The following NTRK3 variants were observed in gnomAD, a reference collection of about 807,000 sequenced individuals.
The protein encoded by NTRK3 is neurotrophic receptor tyrosine kinase 3.
Under a neutral mutation model 91.7 loss-of-function variants are expected in NTRK3, and 24 were observed. That is an observed-to-expected ratio of 0.26 (90% confidence interval 0.19 to 0.37). The LOEUF (loss-of-function observed/expected upper bound fraction) is 0.37, where lower values mean the gene tolerates loss of function less well. Ranked by LOEUF, NTRK3 falls within the 10% of genes least tolerant of loss-of-function variation. The pLI is 1.00. For missense variants in NTRK3, 880 were observed against 1,068.9 expected (o/e 0.82, Z 2.46); for synonymous variants, 483 against 404.0 (o/e 1.20, Z -2.34).
chr15:88,040,759 G>A (rs1202393782), intron 13 of NTRK3, among the ~76,000 whole-genome samples: 1 of 152,002 alleles, frequency 6.6e-6, no homozygotes, highest in Non-Finnish European at 1.5e-5. Flanking sequence ...AAGGATGCTG[G>A]GATCCCTGTG....
chr15:87,995,531 T>C (rs904691520), intron 14 of NTRK3, among the ~76,000 whole-genome samples: 1 of 151,306 alleles, frequency 6.6e-6, no homozygotes, highest in Non-Finnish European at 1.5e-5. Flanking sequence ...GTGCAAGGAG[T>C]TCCTATTAAT....
At chr15:88,239,148 G>A (rs1216000251) in intron 3 of NTRK3, among the ~76,000 whole-genome samples, 6 of 151,796 alleles carry the variant, frequency 4.0e-5, no homozygotes, top group Non-Finnish European at 8.8e-5. Context: ...TCTCAAAGGT[G>A]GGACTGGAGT....
At chr15:87,913,064 A>AC (rs2141760654) in intron 17 of NTRK3, among the ~76,000 whole-genome samples, 1 of 149,580 alleles carries the variant, frequency 6.7e-6, no homozygotes, top group Non-Finnish European at 1.5e-5. Context: ...ACTACTAAAC[A>AC]CCTTGGCAGT....
rs1302814649 is a variant in NTRK3 at position 87,935,468 on chromosome 15, C to T, written c.1717-2284G>A. ...GAAGTCAGAGAGTCATGGTGAAAGA[C>T]AGTCTCTTCTGGGGACCCAGCTCCC... On this transcript the variant is annotated intron_variant, in intron 15 of 18. Coordinates refer to ENST00000394480, the Ensembl canonical transcript of NTRK3. Among the ~76,000 whole-genome samples the T allele has an allele frequency of 3.9e-5, 6 of 152,324 alleles. No homozygotes were observed. The East Asian group carries it at 1.2e-3, about 29-fold the overall frequency.
chr15:88,218,269 T>C (rs1224979615), intron 3 of NTRK3, among the ~76,000 whole-genome samples: 1 of 152,150 alleles, frequency 6.6e-6, no homozygotes, highest in African/African-American at 2.4e-5. Flanking sequence ...GCAGCCTCCA[T>C]AGAAAACCTC....
chr15:88,020,135 A>G (rs756619439), intron 14 of NTRK3, among the ~76,000 whole-genome samples: 12 of 152,248 alleles, frequency 7.9e-5, no homozygotes, highest in Non-Finnish European at 1.8e-4. Flanking sequence ...GGGCAGGCAT[A>G]CAGGGGAGAA....
chr15:88,131,414 C>T (rs898545730), intron 10 of NTRK3, among the ~76,000 whole-genome samples: 5 of 152,130 alleles, frequency 3.3e-5, no homozygotes, highest in African/African-American at 1.2e-4. Flanking sequence ...ACACGCAGTT[C>T]GGTTGCTTGT....
chr15:88,023,475 A>T (rs561380035), intron 14 of NTRK3, among the ~76,000 whole-genome samples: 15 of 152,306 alleles, frequency 9.8e-5, no homozygotes, highest in African/African-American at 3.6e-4. Context: ...ACTGCCTACC[A>T]AGCAGGGCCT....
intron 17 of NTRK3, among the ~76,000 whole-genome samples, chr15:87,924,638 C>T (rs1015562337): frequency 3.9e-5 from 6 of 152,210 alleles, no homozygotes; most frequent in Admixed American, 2.0e-4. Flanking sequence ...CTTGCTCCTG[C>T]TGCCTGCAGC....
At chr15:88,131,562 AATGG>A (rs1597484895) in intron 10 of NTRK3, among the ~76,000 whole-genome samples, 1 of 152,320 alleles carries the variant, frequency 6.6e-6, no homozygotes, top group East Asian at 1.9e-4. Context: ...GGATGGAGGA[AATGG>A]AAGCTCTAGC....
At chr15:87,971,855 G>A (rs926516669) in intron 14 of NTRK3, among the ~76,000 whole-genome samples, 5 of 152,176 alleles carry the variant, frequency 3.3e-5, no homozygotes, top group East Asian at 1.9e-4. Context: ...AGAGAAGTGC[G>A]TTTTTGAAGG....
chr15:87,958,265 G>C (rs1442068339), intron 14 of NTRK3, among the ~76,000 whole-genome samples: 1 of 147,722 alleles, frequency 6.8e-6, no homozygotes, highest in Non-Finnish European at 1.5e-5. Flanking sequence ...ACAAAAGCGA[G>C]AACTCTGATG....
intron 13 of NTRK3, among the ~76,000 whole-genome samples, chr15:88,110,050 C>A (rs985103379): frequency 1.3e-5 from 2 of 152,090 alleles, no homozygotes; most frequent in Admixed American, 1.3e-4. Context: ...CCAGAATGGT[C>A]CATAAGTCAC....
intron 14 of NTRK3, among the ~76,000 whole-genome samples, chr15:87,989,759 A>G (rs2075141277): frequency 6.6e-6 from 1 of 151,838 alleles, no homozygotes; most frequent in Admixed American, 6.6e-5. Context: ...GGTGCACACT[A>G]CCACACTTGG....
At chr15:88,226,379 G>A (rs1488822736) in intron 3 of NTRK3, among the ~76,000 whole-genome samples, 1 of 152,216 alleles carries the variant, frequency 6.6e-6, no homozygotes, top group Non-Finnish European at 1.5e-5. Flanking sequence ...GGTGTGAGTG[G>A]ATAAGAAACA....
chr15:88,247,795 C>G (rs143598855), intron 3 of NTRK3, among the ~76,000 whole-genome samples: 1 of 152,154 alleles, frequency 6.6e-6, no homozygotes, highest in Non-Finnish European at 1.5e-5. Flanking sequence ...ACACTAAGAG[C>G]TCATCCCTAT....
rs77520508 is a variant in NTRK3 at position 88,171,988 on chromosome 15, A to T, written c.395+11430T>A. On this transcript the variant is annotated intron_variant, in intron 5 of 18. Transcript: ENST00000394480. ...GCCTGGACCCCTCAGATGGGTTTCA[A>T]GGTGCATCTTGGGAGACCCTGTCTG... Among the ~76,000 whole-genome samples the T allele has an allele frequency of 6.2e-3, 946 of 152,372 alleles. 12 individuals are homozygous for T. Among genetic ancestry groups the T allele is most frequent in the African/African-American group, 0.02 (815 of 41,588 alleles).
At chr15:88,123,060 A>G (rs780176110) in intron 13 of NTRK3, among the ~76,000 whole-genome samples, 9 of 152,320 alleles carry the variant, frequency 5.9e-5, no homozygotes, top group Non-Finnish European at 1.0e-4. Flanking sequence ...GTGCAGGACA[A>G]AAGAGGGCAT....
At chr15:88,111,968 A>G (rs1036560017) in intron 13 of NTRK3, among the ~76,000 whole-genome samples, 11 of 148,738 alleles carry the variant, frequency 7.4e-5, no homozygotes, top group South Asian at 2.1e-4. Flanking sequence ...GTGCAGTGGC[A>G]CGATCTCGGC....
Sources: gnomAD v4.1 joint callset for allele counts (sites outside exome capture counted in the v4.1 genomes callset) on GRCh38, gnomAD v4.1.1 for gene constraint, MANE v1.5 for transcripts, NCBI Gene and HGNC (gene_info 2026-07-23, HGNC 2026-07-21) for gene names.